Variants in ADD2 observed in about 807,000 individuals in gnomAD.
ADD2 encodes the protein beta-adducin.
A neutral mutation model predicts 83.0 loss-of-function variants in ADD2; 23 were observed. That is an observed-to-expected ratio of 0.28 (90% CI 0.20 to 0.39). ADD2 has a LOEUF of 0.39. ADD2 is among the 10% of genes least tolerant of loss of function. The pLI is 1.00. For synonymous variants in ADD2, 375 were observed against 375.4 expected (o/e 1.00, Z 0.01); for missense variants, 758 against 944.9 (o/e 0.80, Z 2.59).
chr2:70,733,549 A>G (rs2104474170), intron 1 of ADD2, among the ~76,000 whole-genome samples: 1 of 152,316 alleles, frequency 6.6e-6, no homozygotes, highest in Middle Eastern at 3.4e-3. Flanking sequence ...AGGCCACACA[A>G]ATCATTGCCT....
At chr2:70,680,244 G>A (rs1670388997) in intron 10 of ADD2, among the ~76,000 whole-genome samples, 1 of 152,100 alleles carries the variant, frequency 6.6e-6, no homozygotes, top group Admixed American at 6.5e-5. Context: ...AAATGAAGTA[G>A]CATCTGCCTT....
chr2:70,687,192 G>T (rs1357369501), intron 9 of ADD2: 1 of 152,398 alleles, frequency 6.6e-6, no homozygotes, highest in Non-Finnish European at 1.5e-5. Flanking sequence ...CTCTACCCAA[G>T]GGCACACAGC....
intron 1 of ADD2, among the ~76,000 whole-genome samples, chr2:70,735,545 T>G (rs1553379937): frequency 6.6e-6 from 1 of 151,870 alleles, no homozygotes; most frequent in Non-Finnish European, 1.5e-5. Context: ...CCCCTAAAAT[T>G]TCCTCTGCCC....
rs781838516 is a variant in ADD2, at chr2:70,661,607, A to T, written c.*1818T>A. ...ATGGATGGTATTTCCCGCCCCAACC[A>T]GAAGGCTCTTGCCTCTCCTTTGTCA... On this transcript the variant is annotated 3_prime_UTR_variant, in exon 16 of 16. Transcript: ENST00000264436. 1 of 152,270 alleles carries T rather than the reference A, an allele frequency of 6.6e-6. No homozygotes were observed. Among genetic ancestry groups the T allele is most frequent in the African/African-American group, 2.4e-5 (1 of 41,472 alleles). The allele number at this position is 152,270 out of a possible 1,614,324, so 9.4% of individuals were successfully genotyped here. A position where few individuals can be genotyped will look rare whatever the true frequency, so the allele number is the denominator to read the frequency against.
intron 4 of ADD2, among the ~76,000 whole-genome samples, chr2:70,700,775 T>G (rs1470098171): frequency 6.6e-6 from 1 of 152,050 alleles, no homozygotes; most frequent in Non-Finnish European, 1.5e-5. Flanking sequence ...AGCAGGAAAT[T>G]TGAATGATAA....
intron 9 of ADD2, 63 bp from the exon 10 acceptor site, chr2:70,683,830 C>T: frequency 8.5e-6 from 13 of 1,530,820 alleles, no homozygotes; most frequent in Non-Finnish European, 1.1e-5. Context: ...CTTATCTATG[C>T]TCCTGTATGT....
chr2:70,726,820 T>C (rs1271377704), intron 1 of ADD2, among the ~76,000 whole-genome samples: 1 of 152,144 alleles, frequency 6.6e-6, no homozygotes, highest in Non-Finnish European at 1.5e-5. Flanking sequence ...TAAAACAGCC[T>C]ATGTCAAGAA....
Position 70,674,814 on chromosome 2 carries a change from G to A in ADD2, c.1605C>T (p.Ser535=), listed in dbSNP as rs1553367882. ...CCTCGTCTCCCTTGGACATCAGCTG[G>A]CTCTCTGTAGACTGAAAGTTAACCA... ...AEKSRSPSTE[S]QLMSKGDEDT... is the part of the protein sequence containing the mutation. Residue 535 remains serine (S), a synonymous_variant, in exon 14 of 16, where the codon AGC becomes AGT. Transcript: ENST00000264436. 6.2e-7 allele frequency: 1 copy of A among 1,613,708 alleles called. No individual in the cohort carries two copies. Among genetic ancestry groups the A allele is most frequent in the Non-Finnish European group, 8.5e-7 (1 of 1,179,830 alleles).
At chr2:70,718,277 C>T (rs1334143119) in intron 1 of ADD2, among the ~76,000 whole-genome samples, 2 of 152,130 alleles carry the variant, frequency 1.3e-5, no homozygotes, top group African/African-American at 4.8e-5. Flanking sequence ...AGTTATTTGT[C>T]AAGTATCTGT....
At chr2:70,712,652 G>T (rs577397238) in intron 2 of ADD2, among the ~76,000 whole-genome samples, 1 of 152,156 alleles carries the variant, frequency 6.6e-6, no homozygotes, top group Non-Finnish European at 1.5e-5. Context: ...TGGTTCTCTA[G>T]AACCTCAGAG....
intron 2 of ADD2, among the ~76,000 whole-genome samples, chr2:70,710,370 T>C (rs1432909481): frequency 6.6e-6 from 1 of 152,248 alleles, no homozygotes; most frequent in Non-Finnish European, 1.5e-5. Flanking sequence ...GTGAAGTAGC[T>C]CTGCCCTCCC....
At chr2:70,709,667 A>T (rs1160791256) in intron 2 of ADD2, among the ~76,000 whole-genome samples, 1 of 152,180 alleles carries the variant, frequency 6.6e-6, no homozygotes, top group African/African-American at 2.4e-5. Context: ...TGAGTTGGAG[A>T]CAGATACATT....
chr2:70,738,441 T>G (rs1673701314), intron 1 of ADD2, among the ~76,000 whole-genome samples: 1 of 152,314 alleles, frequency 6.6e-6, no homozygotes, highest in Admixed American at 6.5e-5. Flanking sequence ...TCTTTGCTAC[T>G]TGGAGGAGAG....
intron 14 of ADD2, among the ~76,000 whole-genome samples, chr2:70,673,694 T>C (rs1332899563): frequency 9.2e-5 from 14 of 152,202 alleles, no homozygotes; most frequent in Admixed American, 9.2e-4. Context: ...CCTTCTGGGT[T>C]CAAGCAATTC....
chr2:70,721,779 C>T (rs1553377426), intron 1 of ADD2, among the ~76,000 whole-genome samples: 1 of 152,184 alleles, frequency 6.6e-6, no homozygotes, highest in Admixed American at 6.5e-5. Flanking sequence ...GGACAAGTAT[C>T]AAGGAAACCA....
intron 15 of ADD2, among the ~76,000 whole-genome samples, chr2:70,667,338 G>A (rs2104167389): frequency 6.6e-6 from 1 of 152,026 alleles, no homozygotes; most frequent in East Asian, 1.9e-4. Flanking sequence ...CTGAAGTCAG[G>A]GCCCACACCC....
chr2:70,696,220 C>A lies in ADD2; in HGVS notation c.474+25G>T, dbSNP rs781903072. 1.9e-6 allele frequency: 3 copies of A among 1,604,308 alleles called. No homozygotes were observed. The South Asian group carries it at 3.4e-5, about 18-fold the overall frequency. On this transcript the variant is annotated intron_variant, in intron 5 of 15. Coordinates refer to ENST00000264436, the MANE Select transcript of ADD2 (RefSeq NM_001617.4). ...TTGTGGGACCACATGCAGTGCCCCA[C>A]CCAATTCCAGGGCGTTCTGCTCACC...
chr2:70,675,848 TTTTG>T (rs1553368154), intron 13 of ADD2: 1 of 985,054 alleles, frequency 1.0e-6, no homozygotes, highest in African/African-American at 1.7e-5. Context: ...CAGGGGAGAT[TTTTG>T]TTTGTTTTTT....
intron 1 of ADD2, among the ~76,000 whole-genome samples, chr2:70,716,562 G>A (rs991990473): frequency 2.0e-5 from 3 of 152,138 alleles, no homozygotes; most frequent in Non-Finnish European, 4.4e-5. Context: ...CCTGGCAGGC[G>A]GCCTGTGTCT....
Sources: allele counts gnomAD v4.1 joint callset (sites outside exome capture counted in the v4.1 genomes callset), GRCh38; gene constraint gnomAD v4.1.1; transcripts MANE v1.5; gene names NCBI Gene and HGNC (gene_info 2026-07-23, HGNC 2026-07-21).